MYO16: variants seen among roughly 807,000 people sequenced by gnomAD.
The protein encoded by MYO16 is myosin XVI.
A neutral mutation model predicts 205.3 loss-of-function variants in MYO16; 94 were observed. That is an observed-to-expected ratio of 0.46 (90% CI 0.39 to 0.54). The LOEUF is 0.54. Among genes scored for constraint, MYO16 ranks in the 20% least tolerant of loss-of-function variants. The pLI is 0.00. For synonymous variants in MYO16, 988 were observed against 954.0 expected, an observed-to-expected ratio of 1.04 and a Z score of -0.66; for missense variants, 2,315 against 2,387.5, an observed-to-expected ratio of 0.97 and a Z score of 0.63.
chr13:108,551,223 G>A, the MYO16 span, among the ~76,000 whole-genome samples: 1 of 152,096 alleles, frequency 6.6e-6, no homozygotes, highest in African/African-American at 2.4e-5. Flanking sequence ...AGTATACCTA[G>A]TAACTTCCTT....
At chr13:109,156,747 C>T (rs1878065507) in intron 32 of MYO16, among the ~76,000 whole-genome samples, 2 of 152,274 alleles carry the variant, frequency 1.3e-5, no homozygotes, top group East Asian at 3.9e-4. Flanking sequence ...GCCAAGGCTC[C>T]TGGCCTGCAG....
At chr13:108,763,822 TGTC>T (rs1885693012) in intron 4 of MYO16, among the ~76,000 whole-genome samples, 1 of 149,636 alleles carries the variant, frequency 6.7e-6, no homozygotes, top group Non-Finnish European at 1.5e-5. Context: ...TGTGTGTGTG[TGTC>T]GTGTATGTAT....
At position 109,179,568 on chromosome 13, in the gene MYO16, C is replaced by T. The variant is rs1345261475; in HGVS notation, c.5350C>T (p.Arg1784Trp). The change falls in exon 34 of 35, where the codon CGG becomes TGG. Residue 1784 changes from arginine to tryptophan, a missense_variant. Around this residue, in one of 3 missense-constraint regions of MYO16, gnomAD observed 1,097 missense variants for 1,092.0 expected, o/e 1.00. Transcript: ENST00000457511. ...TTTACCTGAAGAAGATGGATACTCACGGTTGTCTATAAGTGGCACAGGGAC... is the reference window on the plus strand; with the variant it reads ...TTTACCTGAAGAAGATGGATACTCATGGTTGTCTATAAGTGGCACAGGGAC... ...NGLPEEDGYSRLSISGTGTST... is the reference protein window; with the variant it reads ...NGLPEEDGYSWLSISGTGTST... 1.1e-5 allele frequency: 18 copies of T among 1,613,756 alleles called. No individual in the cohort carries two copies. The highest frequency in any genetic ancestry group is 1.6e-4 in the Middle Eastern group (1 of 6,084).
At chr13:108,722,872 G>GT (rs142668673) in intron 3 of MYO16, among the ~76,000 whole-genome samples, 2 of 152,140 alleles carry the variant, frequency 1.3e-5, no homozygotes, top group African/African-American at 2.4e-5. Flanking sequence ...TCTAGTGACA[G>GT]TTTTTTTATT....
the MYO16 span, among the ~76,000 whole-genome samples, chr13:108,543,523 TC>T: frequency 6.6e-6 from 1 of 151,176 alleles, no homozygotes; most frequent in Non-Finnish European, 1.5e-5. Flanking sequence ...GCGCCTGTAG[TC>T]CCAGCTACTC....
At chr13:109,024,984 C>G (rs191291578) in intron 23 of MYO16, among the ~76,000 whole-genome samples, 51 of 152,278 alleles carry the variant, frequency 3.3e-4, no homozygotes, top group African/African-American at 1.1e-3. Flanking sequence ...AATCAACATG[C>G]AAGGTCTAGT....
chr13:108,636,267 T>G (rs1880220933), intron 1 of MYO16, among the ~76,000 whole-genome samples: 1 of 152,032 alleles, frequency 6.6e-6, no homozygotes, highest in Non-Finnish European at 1.5e-5. Flanking sequence ...TTCATGACAG[T>G]CTTAGATATT....
At chr13:108,851,946 C>T (rs1310921565) in intron 10 of MYO16, among the ~76,000 whole-genome samples, 1 of 152,168 alleles carries the variant, frequency 6.6e-6, no homozygotes, top group Non-Finnish European at 1.5e-5. Context: ...CCTCCTCCCA[C>T]CTCCTCCACG....
At position 108,815,185 on chromosome 13, in the gene MYO16, T is replaced by A. The variant is rs1229707571; in HGVS notation, c.868-5152T>A. 1.3e-5 allele frequency among the ~76,000 whole-genome samples: 2 copies of A among 152,162 alleles called. 1 individual carries two copies. On this transcript the variant is annotated intron_variant, in intron 7 of 34. Coordinates refer to ENST00000457511, the MANE Select transcript of MYO16 (RefSeq NM_001198950.3). Reference sequence around the variant, plus strand: ...CAAATAGAGAGGTAAGCCACACTCATTGATATGCAGTTGTCATTGAGACAC... The same window carrying A: ...CAAATAGAGAGGTAAGCCACACTCAATGATATGCAGTTGTCATTGAGACAC...
intron 12 of MYO16, among the ~76,000 whole-genome samples, chr13:108,868,372 C>A (rs145887695): frequency 1.3e-5 from 2 of 152,212 alleles, no homozygotes; most frequent in East Asian, 3.9e-4. Flanking sequence ...GTTTCTCTGA[C>A]AGACAATGAG....
intron 1 of MYO16, among the ~76,000 whole-genome samples, chr13:108,613,168 T>C (rs1054218981): frequency 3.9e-5 from 6 of 152,156 alleles, no homozygotes; most frequent in Non-Finnish European, 8.8e-5. Context: ...TAAATTTGAT[T>C]AAAATATAAA....
At chr13:108,844,256 C>A (rs1877395286) in intron 9 of MYO16, 87 bp from the exon 10 acceptor site, 2 of 1,090,132 alleles carry the variant, frequency 1.8e-6, no homozygotes, top group Middle Eastern at 2.3e-4. Flanking sequence ...AAACCACCGT[C>A]ATAGTCCAAC....
chr13:109,144,675 C>T (rs1346491577), intron 32 of MYO16, among the ~76,000 whole-genome samples: 12 of 152,156 alleles, frequency 7.9e-5, no homozygotes, highest in Admixed American at 7.9e-4. Flanking sequence ...CTAATTTACC[C>T]TTCAGGGTCC....
chr13:108,597,141 TGTTA>T (rs1328179201), intron 1 of MYO16, among the ~76,000 whole-genome samples: 4 of 152,234 alleles, frequency 2.6e-5, no homozygotes, highest in Admixed American at 2.6e-4. Context: ...TTTACTCAGA[TGTTA>T]GTTCTTCATA....
At chr13:109,090,800 ATAAC>A (rs774733602) in intron 27 of MYO16, among the ~76,000 whole-genome samples, 106 of 152,318 alleles carry the variant, frequency 7.0e-4, no homozygotes, top group Admixed American at 1.0e-3. Context: ...AAAAGAAAAA[ATAAC>A]TAGTACTCCC....
chr13:108,593,781 A>C (rs1878465484), upstream of MYO16, among the ~76,000 whole-genome samples: 1 of 152,120 alleles, frequency 6.6e-6, no homozygotes, highest in Non-Finnish European at 1.5e-5. Flanking sequence ...ATGAAGTCGC[A>C]CTTAGAGTCT....
chr13:108,518,077 C>T, the MYO16 span, among the ~76,000 whole-genome samples: 4 of 152,156 alleles, frequency 2.6e-5, no homozygotes, highest in African/African-American at 9.7e-5. Context: ...AACATTCAGA[C>T]TGTAACAAGT....
At chr13:108,735,111 T>C (rs1025862242) in intron 4 of MYO16, among the ~76,000 whole-genome samples, 2 of 152,122 alleles carry the variant, frequency 1.3e-5, no homozygotes, top group African/African-American at 4.8e-5. Flanking sequence ...TATAAGTTCT[T>C]TTTATTTATT....
chr13:108,652,077 G>C (rs1454641172), intron 1 of MYO16, among the ~76,000 whole-genome samples: 1 of 152,126 alleles, frequency 6.6e-6, no homozygotes, highest in Non-Finnish European at 1.5e-5. Flanking sequence ...TTGGAAGAGT[G>C]TTATAACAAT....
Sources: allele counts gnomAD v4.1 joint callset (sites outside exome capture counted in the v4.1 genomes callset), GRCh38; gene constraint gnomAD v4.1.1; regional missense constraint gnomAD v4.1.1; transcripts MANE v1.5; gene names NCBI Gene and HGNC (gene_info 2026-07-23, HGNC 2026-07-21).